The following EPC2 variants were observed in gnomAD, a reference collection of about 807,000 sequenced individuals.
EPC2 encodes enhancer of polycomb homolog 2.
Under a neutral mutation model 92.1 loss-of-function variants are expected in EPC2, and 14 were observed. That is an observed-to-expected ratio of 0.15 (90% CI 0.10 to 0.24). The LOEUF (loss-of-function observed/expected upper bound fraction) is 0.24. Ranked by LOEUF, EPC2 falls within the 10% of genes least tolerant of loss-of-function variation. EPC2 has a pLI of 1.00. For missense variants in EPC2, 755 were observed against 971.5 expected (o/e 0.78, Z 2.96); for synonymous variants, 340 against 334.7 (o/e 1.02, Z -0.17).
At chr2:148,730,226 T>C (rs1278476440) in intron 2 of EPC2, among the ~76,000 whole-genome samples, 2 of 152,174 alleles carry the variant, frequency 1.3e-5, no homozygotes, top group Non-Finnish European at 2.9e-5. Flanking sequence ...CAGGGTCTTT[T>C]AGTACATGTT....
intron 2 of EPC2, among the ~76,000 whole-genome samples, chr2:148,742,797 AAAAG>A (rs1262199755): frequency 6.6e-6 from 1 of 151,850 alleles, no homozygotes; most frequent in African/African-American, 2.4e-5. Context: ...AAAAAAAAAA[AAAAG>A]AAAAATCATT....
chr2:148,782,770 C>T (rs2105441695), intron 11 of EPC2, among the ~76,000 whole-genome samples: 1 of 131,704 alleles, frequency 7.6e-6, no homozygotes, highest in Admixed American at 7.7e-5. Context: ...ATTTTTAAGC[C>T]ACTAAAAGCA....
At chr2:148,660,290 C>T (rs1204958499) in intron 1 of EPC2, among the ~76,000 whole-genome samples, 2 of 152,122 alleles carry the variant, frequency 1.3e-5, no homozygotes, top group Admixed American at 6.6e-5. Context: ...TGAGCCATCA[C>T]TTCAGTTATT....
At chr2:148,684,058 C>G (rs771055329) in intron 1 of EPC2, among the ~76,000 whole-genome samples, 1 of 152,190 alleles carries the variant, frequency 6.6e-6, no homozygotes, top group African/African-American at 2.4e-5. Flanking sequence ...GCCATTCTTG[C>G]AGGAGTAAGG....
intron 2 of EPC2, among the ~76,000 whole-genome samples, chr2:148,710,693 G>A (rs1405127365): frequency 6.6e-6 from 1 of 152,148 alleles, no homozygotes; most frequent in African/African-American, 2.4e-5. Flanking sequence ...TATGTCCTTT[G>A]TAGGGACATG....
intron 3 of EPC2, among the ~76,000 whole-genome samples, chr2:148,748,082 TTCTCACAAGA>T (rs1683018626): frequency 6.6e-6 from 1 of 151,984 alleles, no homozygotes; most frequent in Non-Finnish European, 1.5e-5. Flanking sequence ...TGATAGTGAG[TTCTCACAAGA>T]TCTCACAACA....
intron 1 of EPC2, among the ~76,000 whole-genome samples, chr2:148,646,735 G>A (rs1403056223): frequency 6.6e-6 from 1 of 151,920 alleles, no homozygotes; most frequent in Non-Finnish European, 1.5e-5. Context: ...CTATTTTGTG[G>A]GTCTTGATCC....
chr2:148,651,337 T>G (rs1680677957), intron 1 of EPC2, among the ~76,000 whole-genome samples: 1 of 152,208 alleles, frequency 6.6e-6, no homozygotes, highest in African/African-American at 2.4e-5. Context: ...TTGCTGACCA[T>G]ATCATTCCCC....
chr2:148,693,955 G>A (rs1383968071), intron 2 of EPC2, among the ~76,000 whole-genome samples: 1 of 152,060 alleles, frequency 6.6e-6, no homozygotes, highest in Non-Finnish European at 1.5e-5. Flanking sequence ...GCCCTCTGTT[G>A]GGCAGAGTTT....
At chr2:148,745,257 G>T (rs1027954002) in intron 3 of EPC2, among the ~76,000 whole-genome samples, 7 of 151,962 alleles carry the variant, frequency 4.6e-5, no homozygotes, top group Non-Finnish European at 1.0e-4. Context: ...TCCTAGGCTG[G>T]ATCAGCCTTT....
intron 2 of EPC2, among the ~76,000 whole-genome samples, chr2:148,713,798 C>T (rs73020820): frequency 6.6e-6 from 1 of 152,334 alleles, no homozygotes; most frequent in African/African-American, 2.4e-5. Flanking sequence ...CAATAGGCTA[C>T]AGCATATAGC....
intron 2 of EPC2, among the ~76,000 whole-genome samples, chr2:148,708,482 T>C (rs565919589): frequency 5.9e-5 from 9 of 152,216 alleles, no homozygotes; most frequent in Non-Finnish European, 1.2e-4. Context: ...GAATCCTCTC[T>C]AACTCATTTT....
chr2:148,738,397 A>G lies in EPC2; in HGVS notation c.314-5225A>G, dbSNP rs187128639. Among the ~76,000 whole-genome samples, 31 of 152,370 alleles carry G rather than the reference A, an allele frequency of 2.0e-4. No individual in the cohort carries two copies. In the East Asian group the frequency reaches 5.6e-3, roughly 27 times the overall value. On this transcript the variant is annotated intron_variant, in intron 2 of 13. Transcript: ENST00000258484. ...CAGACACACACAGTGATTAACATCTATAAATACAGAGATGGGTTTACATAA... is the reference window on the plus strand; with the variant it reads ...CAGACACACACAGTGATTAACATCTGTAAATACAGAGATGGGTTTACATAA...
intron 4 of EPC2, among the ~76,000 whole-genome samples, chr2:148,760,870 C>T (rs1039411068): frequency 2.0e-5 from 3 of 152,004 alleles, no homozygotes; most frequent in Non-Finnish European, 2.9e-5. Flanking sequence ...TCCTTAGGTT[C>T]TTTCTAATGT....
At chr2:148,774,857 G>A (rs1683595547) in intron 10 of EPC2, among the ~76,000 whole-genome samples, 1 of 151,542 alleles carries the variant, frequency 6.6e-6, no homozygotes. Flanking sequence ...GGAGGCCGAG[G>A]CAGGCGGATC....
At chr2:148,677,484 G>A (rs1681291256) in intron 1 of EPC2, among the ~76,000 whole-genome samples, 1 of 152,138 alleles carries the variant, frequency 6.6e-6, no homozygotes, top group Non-Finnish European at 1.5e-5. Flanking sequence ...AGACCAACTT[G>A]GGCAACATAG....
rs1682805946 is a variant in EPC2 at position 148,738,149 on chromosome 2, A to AAT, written c.314-5473_314-5472insAT. Among the ~76,000 whole-genome samples the AAT allele has an allele frequency of 4.0e-5, 6 of 151,834 alleles. No individual in the cohort carries two copies. The East Asian group carries it at 1.2e-3, about 29-fold the overall frequency. On this transcript the variant is annotated intron_variant, in intron 2 of 13. Transcript: ENST00000258484. ...AACAACAACAACAACAACAACAAAA[A>AAT]CTCCTTTGCTTTTGTTTTAATGGGA...
intron 7 of EPC2, among the ~76,000 whole-genome samples, chr2:148,768,513 C>A (rs1020733796): frequency 1.3e-5 from 2 of 152,168 alleles, no homozygotes; most frequent in African/African-American, 4.8e-5. Flanking sequence ...TTTGCTCTAG[C>A]GTTGCGGGCT....
At chr2:148,711,454 T>A (rs1298171677) in intron 2 of EPC2, among the ~76,000 whole-genome samples, 2 of 152,206 alleles carry the variant, frequency 1.3e-5, no homozygotes, top group Admixed American at 1.3e-4. Context: ...ACACACTTTA[T>A]ATCATTTCTA....
Sources: gnomAD v4.1 joint callset for allele counts (sites outside exome capture counted in the v4.1 genomes callset) on GRCh38, gnomAD v4.1.1 for gene constraint, MANE v1.5 for transcripts, NCBI Gene and HGNC (gene_info 2026-07-23, HGNC 2026-07-21) for gene names.